CRB1: variants seen among roughly 807,000 people sequenced by gnomAD.
The protein encoded by CRB1 is crumbs cell polarity complex component 1.
Under a neutral mutation model 120.0 loss-of-function variants are expected in CRB1, and 83 were observed. The observed-to-expected ratio is 0.69, with a 90% confidence interval of 0.58 to 0.83. CRB1 has a LOEUF of 0.83. Ranked by LOEUF, CRB1 falls within the 40% of genes least tolerant of loss-of-function variation. The pLI, the probability that CRB1 is intolerant of heterozygous loss-of-function variation, is 0.00. For missense variants in CRB1, 1,699 were observed against 1,687.6 expected (o/e 1.01, Z -0.12); for synonymous variants, 625 against 612.5 (o/e 1.02, Z -0.30).
the CRB1 span, among the ~76,000 whole-genome samples, chr1:197,214,024 G>T: frequency 6.6e-6 from 1 of 151,218 alleles, no homozygotes; most frequent in African/African-American, 2.4e-5. Context: ...GCAAAAGGAA[G>T]AAAATGATAA....
chr1:197,350,224 G>A (rs1660019884), intron 4 of CRB1, among the ~76,000 whole-genome samples: 1 of 152,150 alleles, frequency 6.6e-6, no homozygotes. Context: ...GGATGGTTTA[G>A]GAGTAGGATA....
At chr1:197,310,530 G>A (rs1390777452) in intron 1 of CRB1, among the ~76,000 whole-genome samples, 1 of 152,088 alleles carries the variant, frequency 6.6e-6, no homozygotes, top group Non-Finnish European at 1.5e-5. Flanking sequence ...ACAGTTGAAA[G>A]GGAAATGAAT....
the CRB1 span, among the ~76,000 whole-genome samples, chr1:197,201,613 A>G: frequency 1.4e-4 from 21 of 152,124 alleles, no homozygotes; most frequent in Non-Finnish European, 2.9e-4. Context: ...GAGGGAGGGC[A>G]ATGGGAGAGG....
At chr1:197,353,835 A>AAAC (rs1660256575) in intron 4 of CRB1, among the ~76,000 whole-genome samples, 1 of 150,412 alleles carries the variant, frequency 6.6e-6, no homozygotes, top group African/African-American at 2.4e-5. Context: ...AAAAAAAAAA[A>AAAC]AACTTTATAC....
the CRB1 span, among the ~76,000 whole-genome samples, chr1:197,209,932 A>G: frequency 6.6e-6 from 1 of 152,054 alleles, no homozygotes; most frequent in Non-Finnish European, 1.5e-5. Flanking sequence ...CAGTTTTTCC[A>G]CTGTATCCCA....
the CRB1 span, among the ~76,000 whole-genome samples, chr1:197,236,689 T>TC: frequency 2.0e-5 from 3 of 152,168 alleles, no homozygotes; most frequent in African/African-American, 7.2e-5. Context: ...TTAAAGAAGT[T>TC]CCCCTCTATC....
intron 11 of CRB1, among the ~76,000 whole-genome samples, chr1:197,450,846 G>A (rs181458892): frequency 6.4e-5 from 9 of 140,076 alleles, no homozygotes; most frequent in Non-Finnish European, 9.1e-5. Flanking sequence ...TGTAGTCCCA[G>A]CTACTTGGGA....
intron 1 of CRB1, among the ~76,000 whole-genome samples, chr1:197,287,113 G>A (rs1050677486): frequency 5.3e-5 from 8 of 151,796 alleles, no homozygotes; most frequent in Non-Finnish European, 1.0e-4. Flanking sequence ...AAATGAGTAC[G>A]TGGAATATGG....
chr1:197,227,354 C>T, the CRB1 span, among the ~76,000 whole-genome samples: 3 of 151,148 alleles, frequency 2.0e-5, no homozygotes, highest in East Asian at 1.9e-4. Context: ...CATGCAAGTT[C>T]GAAATCCAGA....
chr1:197,334,672 A>G (rs927941630), intron 2 of CRB1, among the ~76,000 whole-genome samples: 2 of 152,200 alleles, frequency 1.3e-5, no homozygotes, highest in African/African-American at 2.4e-5. Flanking sequence ...TCTGTTCTTT[A>G]TAAATTACCC....
At chr1:197,472,289 A>C (rs1309182398) in intron 11 of CRB1, among the ~76,000 whole-genome samples, 1 of 152,228 alleles carries the variant, frequency 6.6e-6, no homozygotes, top group African/African-American at 2.4e-5. Context: ...GAAGTAATTC[A>C]TTCCAGTGTG....
the CRB1 span, among the ~76,000 whole-genome samples, chr1:197,228,911 C>T: frequency 6.6e-6 from 1 of 152,138 alleles, no homozygotes; most frequent in Non-Finnish European, 1.5e-5. Context: ...GGTGCAAAAG[C>T]GGAAACCCCT....
At chr1:197,219,524 G>T in the CRB1 span, among the ~76,000 whole-genome samples, 1 of 152,284 alleles carries the variant, frequency 6.6e-6, no homozygotes, top group South Asian at 2.1e-4. Context: ...CTTCTTATAC[G>T]ACTGCTAATA....
chr1:197,429,595 G>A lies in CRB1; in HGVS notation c.2823G>A (p.Pro941=), dbSNP rs62645757. Residue 941 remains proline, a synonymous_variant, in exon 8 of 12, where the codon CCG becomes CCA. Coordinates refer to ENST00000367400, the MANE Select transcript of CRB1 (RefSeq NM_201253.3). ...SPCPHGAQCQ[P]VLQGFECIAN... ...GTCCTCACGGAGCCCAGTGCCAGCC[G>A]GTGCTTCAAGGATTTGAATGTAGGT... The A allele has an allele frequency of 3.4e-5, 55 of 1,613,788 alleles. 1 individual carries two copies. Among genetic ancestry groups the A allele is most frequent in the South Asian group, 1.2e-4 (11 of 91,076 alleles).
chr1:197,322,418 G>A (rs569850126), intron 1 of CRB1, among the ~76,000 whole-genome samples: 10 of 151,578 alleles, frequency 6.6e-5, no homozygotes, highest in South Asian at 2.1e-4. Context: ...AGCCAAGATC[G>A]CACCACTGCA....
chr1:197,367,231 C>T (rs566005327), intron 5 of CRB1, among the ~76,000 whole-genome samples: 5 of 152,170 alleles, frequency 3.3e-5, no homozygotes, highest in South Asian at 2.1e-4. Context: ...CTTTCCAGTC[C>T]GGGGCACTGG....
chr1:197,234,956 T>C, the CRB1 span, among the ~76,000 whole-genome samples: 1 of 152,212 alleles, frequency 6.6e-6, no homozygotes, highest in Non-Finnish European at 1.5e-5. Flanking sequence ...CCCATACCAC[T>C]GAGCAGCTGC....
intron 11 of CRB1, among the ~76,000 whole-genome samples, chr1:197,453,727 CCACCA>C (rs1406963562): frequency 2.1e-5 from 3 of 146,210 alleles, no homozygotes; most frequent in African/African-American, 7.5e-5. Flanking sequence ...CAGCCATGTG[CCACCA>C]CACCTGGCTA....
At chr1:197,378,152 G>C (rs1661745376) in intron 5 of CRB1, among the ~76,000 whole-genome samples, 1 of 152,146 alleles carries the variant, frequency 6.6e-6, no homozygotes, top group Non-Finnish European at 1.5e-5. Flanking sequence ...AAAGAGGAAT[G>C]GTGGCTAGAA....
Sources: gnomAD v4.1 joint callset for allele counts (sites outside exome capture counted in the v4.1 genomes callset) on GRCh38, gnomAD v4.1.1 for gene constraint, MANE v1.5 for transcripts, NCBI Gene and HGNC (gene_info 2026-07-23, HGNC 2026-07-21) for gene names.